TLK1: variants seen among roughly 807,000 people sequenced by gnomAD.
TLK1 encodes the protein serine/threonine-protein kinase tousled-like 1.
Under a neutral mutation model 105.3 loss-of-function variants are expected in TLK1, and 24 were observed. The observed-to-expected ratio is 0.23, with a 90% CI of 0.17 to 0.32. TLK1 has a LOEUF of 0.32. Ranked by LOEUF, TLK1 falls within the 10% of genes least tolerant of loss-of-function variation. The pLI is 1.00. For synonymous variants in TLK1, 321 were observed against 310.4 expected, an observed-to-expected ratio of 1.03 and a Z score of -0.36; for missense variants, 558 against 910.5, an observed-to-expected ratio of 0.61 and a Z score of 4.98.
intron 18 of TLK1, among the ~76,000 whole-genome samples, chr2:171,003,787 G>A (rs4027753): frequency 0.97 from 148,133 of 152,314 alleles, 72,136 homozygotes; most frequent in East Asian, 1. Flanking sequence ...ATTTGTTTAC[G>A]TTTCTCTCAA....
Position 171,006,458 on chromosome 2 carries a change from C to A in TLK1, c.1768+16G>T. 2 of 1,554,168 alleles carry A rather than the reference C, an allele frequency of 1.3e-6. No individual in the cohort carries two copies. The highest frequency in any genetic ancestry group is 1.2e-5 in the South Asian group (1 of 81,598). ...ATACTCAAGTTTAAAAAAAATTAGA[C>A]AAATTTCATAATTACCTGGCTTAAG... On this transcript the variant is annotated intron_variant, in intron 17 of 20. Coordinates refer to ENST00000431350, the MANE Select transcript of TLK1 (RefSeq NM_012290.5).
At chr2:171,191,407 C>G (rs145349169) in intron 1 of TLK1, among the ~76,000 whole-genome samples, 4 of 151,902 alleles carry the variant, frequency 2.6e-5, no homozygotes, top group Admixed American at 2.0e-4. Context: ...ACCACCCCCC[C>G]CTCTAAAAAA....
chr2:171,087,909 T>G (rs1365617491), intron 2 of TLK1, among the ~76,000 whole-genome samples: 1 of 152,184 alleles, frequency 6.6e-6, no homozygotes, highest in Admixed American at 6.5e-5. Context: ...TTAGGCCCTT[T>G]CTTGTTCTCA....
intron 2 of TLK1, among the ~76,000 whole-genome samples, chr2:171,101,671 T>A (rs781268677): frequency 3.9e-5 from 6 of 152,174 alleles, no homozygotes; most frequent in Non-Finnish European, 5.9e-5. Flanking sequence ...AAGTTCACAT[T>A]AGTGGAGGGA....
At chr2:171,088,392 CAGTA>C (rs766822589) in intron 2 of TLK1, among the ~76,000 whole-genome samples, 9 of 152,150 alleles carry the variant, frequency 5.9e-5, no homozygotes, top group South Asian at 2.1e-4. Flanking sequence ...ACACAGTTTC[CAGTA>C]AGTGTTTAAG....
chr2:171,145,869 A>AT (rs1197169793), intron 1 of TLK1, among the ~76,000 whole-genome samples: 1 of 152,172 alleles, frequency 6.6e-6, no homozygotes, highest in Non-Finnish European at 1.5e-5. Context: ...AAAAACAGGC[A>AT]TAACTAAATC....
intron 1 of TLK1, among the ~76,000 whole-genome samples, chr2:171,215,675 T>G (rs1326102435): frequency 1.3e-5 from 2 of 152,198 alleles, no homozygotes; most frequent in Non-Finnish European, 2.9e-5. Context: ...AGGTTGGTTG[T>G]CCAAAAGAAG....
intron 1 of TLK1, among the ~76,000 whole-genome samples, chr2:171,153,278 CTG>C (rs1343627438): frequency 6.6e-6 from 1 of 152,188 alleles, no homozygotes; most frequent in African/African-American, 2.4e-5. Context: ...GGAATAACAA[CTG>C]TATGTAACTC....
intron 1 of TLK1, among the ~76,000 whole-genome samples, chr2:171,146,525 T>G (rs1230065687): frequency 2.6e-5 from 4 of 151,952 alleles, no homozygotes; most frequent in Non-Finnish European, 4.4e-5. Context: ...AAAGAAAAAA[T>G]ATGACGGTGG....
At chr2:171,023,640 T>C (rs1398224818) in intron 12 of TLK1, among the ~76,000 whole-genome samples, 1 of 152,240 alleles carries the variant, frequency 6.6e-6, no homozygotes, top group Non-Finnish European at 1.5e-5. Flanking sequence ...TCTCAAGACA[T>C]AGTTACTGGA....
At chr2:171,098,405 G>A (rs1689544625) in intron 2 of TLK1, among the ~76,000 whole-genome samples, 1 of 151,984 alleles carries the variant, frequency 6.6e-6, no homozygotes, top group South Asian at 2.1e-4. Flanking sequence ...AATAAAGCTG[G>A]GGTAGAAAGG....
intron 1 of TLK1, among the ~76,000 whole-genome samples, chr2:171,149,956 G>A (rs543948187): frequency 5.9e-5 from 9 of 151,936 alleles, no homozygotes; most frequent in Admixed American, 2.6e-4. Flanking sequence ...ACGAACGAAC[G>A]AAAGACTGTA....
intron 2 of TLK1, among the ~76,000 whole-genome samples, chr2:171,084,754 A>T (rs144479801): frequency 2.6e-5 from 4 of 152,310 alleles, no homozygotes; most frequent in African/African-American, 7.2e-5. Context: ...GAACTAAGAG[A>T]TATTACAAAA....
intron 1 of TLK1, among the ~76,000 whole-genome samples, chr2:171,135,167 T>C (rs558036645): frequency 6.6e-6 from 1 of 152,218 alleles, no homozygotes; most frequent in Admixed American, 6.5e-5. Flanking sequence ...GCAGGGTGAC[T>C]ATAGTTAATA....
intron 2 of TLK1, among the ~76,000 whole-genome samples, chr2:171,088,863 G>A (rs1227178218): frequency 6.6e-6 from 1 of 152,144 alleles, no homozygotes; most frequent in Non-Finnish European, 1.5e-5. Flanking sequence ...CAAAAACAAA[G>A]AAATAAAGCA....
At position 170,996,722 on chromosome 2, in the gene TLK1, T is replaced by C; in HGVS notation, c.2055A>G (p.Gln685=). 1 of 1,613,970 alleles carries C rather than the reference T, an allele frequency of 6.2e-7. No homozygotes were observed. Among genetic ancestry groups the C allele is most frequent in the Non-Finnish European group, 8.5e-7 (1 of 1,179,960 alleles). Reference sequence around the variant, plus strand: ...CTGTGGCTTTTAATATTGTATTTTCTTGAAGAATGTCTTGTTGAGATTGAT... The same window carrying C: ...CTGTGGCTTTTAATATTGTATTTTCCTGAAGAATGTCTTGTTGAGATTGAT... ...GHNQSQQDIL[Q]ENTILKATEV... The change falls in exon 20 of 21, where the codon CAA becomes CAG. Residue 685 remains glutamine (Q), a synonymous_variant. Transcript: ENST00000431350.
At chr2:171,166,533 G>T (rs1692613063) in intron 1 of TLK1, among the ~76,000 whole-genome samples, 2 of 152,254 alleles carry the variant, frequency 1.3e-5, no homozygotes, top group South Asian at 4.1e-4. Context: ...ATTAAACTAT[G>T]AATATTGTGT....
At chr2:171,115,834 TATTCTGGACCAC>T (rs1359953286) in intron 2 of TLK1, among the ~76,000 whole-genome samples, 1 of 152,192 alleles carries the variant, frequency 6.6e-6, no homozygotes, top group Non-Finnish European at 1.5e-5. Context: ...TCTGCAACCA[TATTCTGGACCAC>T]CTCATTATGC....
intron 3 of TLK1, among the ~76,000 whole-genome samples, chr2:171,069,560 T>C (rs1289355715): frequency 6.6e-6 from 1 of 152,150 alleles, no homozygotes; most frequent in Admixed American, 6.5e-5. Context: ...ACATCCTACA[T>C]TGCATAGGAC....
Sources: allele counts gnomAD v4.1 joint callset (sites outside exome capture counted in the v4.1 genomes callset), GRCh38; gene constraint gnomAD v4.1.1; transcripts MANE v1.5; gene names NCBI Gene and HGNC (gene_info 2026-07-23, HGNC 2026-07-21).